Variants in NHSL1 observed in about 807,000 individuals in gnomAD.
The protein encoded by NHSL1 is NHS like 1.
A neutral mutation model predicts 95.0 loss-of-function variants in NHSL1; 48 were observed. The observed-to-expected ratio is 0.51, with a 90% confidence interval of 0.40 to 0.64. The LOEUF is 0.64. Among genes scored for constraint, NHSL1 ranks in the 30% least tolerant of loss-of-function variants. The pLI, the probability that NHSL1 is intolerant of heterozygous loss-of-function variation, is 0.00. For synonymous variants in NHSL1, 783 were observed against 833.9 expected (o/e 0.94, Z 1.05); for missense variants, 1,971 against 2,077.7 (o/e 0.95, Z 1.00).
At position 138,432,791 on chromosome 6, in the gene NHSL1, A is replaced by G; in HGVS notation, c.1554T>C (p.Tyr518=). The part of the protein sequence containing the change: ...NRENGSQAMP[Y]NCRNNLAFPA... ...GGAAGGCCAGGTTGTTTCTACAATT[A>G]TACGGCATAGCTTGGGACCCATTCT... Residue 518 remains tyrosine (Y), a synonymous_variant, in exon 6 of 8, where the codon TAT becomes TAC. Transcript: ENST00000343505. The surrounding 1 kb of genome is among the most constrained non-coding windows in gnomAD (Gnocchi z 4.4). The G allele has an allele frequency of 6.4e-7, 1 of 1,551,692 alleles. No homozygotes were observed. Among genetic ancestry groups the G allele is most frequent in the Non-Finnish European group, 8.7e-7 (1 of 1,146,996 alleles).
intron 1 of NHSL1, among the ~76,000 whole-genome samples, chr6:138,514,633 T>C (rs2128303595): frequency 6.6e-6 from 1 of 151,760 alleles, no homozygotes; most frequent in South Asian, 2.1e-4. Context: ...AATATCTTAT[T>C]GTGGCCAGGC....
chr6:138,597,120 C>T (rs1376696557), intron 1 of NHSL1, among the ~76,000 whole-genome samples: 1 of 152,130 alleles, frequency 6.6e-6, no homozygotes, highest in Non-Finnish European at 1.5e-5. Context: ...AAGATCACAT[C>T]ACGGCACTCC....
chr6:138,617,127 A>C (rs1386270777), intron 1 of NHSL1, among the ~76,000 whole-genome samples: 1 of 152,242 alleles, frequency 6.6e-6, no homozygotes, highest in African/African-American at 2.4e-5. Context: ...TGGGTAGGGC[A>C]ACTCAAGTAC....
At chr6:138,639,434 C>T (rs1583461757) in intron 1 of NHSL1, among the ~76,000 whole-genome samples, 1 of 151,430 alleles carries the variant, frequency 6.6e-6, no homozygotes, top group South Asian at 2.1e-4. Context: ...GTCAGGAGAT[C>T]GAGACCATCC....
At chr6:138,426,920 A>AAACTGT (rs1359982290) in intron 7 of NHSL1, among the ~76,000 whole-genome samples, 1 of 152,334 alleles carries the variant, frequency 6.6e-6, no homozygotes, top group South Asian at 2.1e-4. Context: ...TAACATCTCG[A>AAACTGT]AACTGTAGAG....
chr6:138,542,516 C>A lies in NHSL1; in HGVS notation c.16+3107G>T, dbSNP rs548098167. On this transcript the variant is annotated intron_variant, in intron 1 of 4. Transcript: ENST00000342260. ...TTTAAGAACTTTTATAGCTGTTTGA[C>A]AATGTGGTGATATCACACAAGCACA... Among the ~76,000 whole-genome samples the A allele has an allele frequency of 2.6e-5, 4 of 152,286 alleles. No individual in the cohort carries two copies. In the East Asian group the frequency reaches 7.7e-4, roughly 29 times the overall value.
intron 1 of NHSL1, among the ~76,000 whole-genome samples, chr6:138,680,994 T>C (rs1288948101): frequency 6.6e-6 from 1 of 152,124 alleles, no homozygotes; most frequent in African/African-American, 2.4e-5. Flanking sequence ...AATCAAGCAA[T>C]AAAAAAATTA....
At chr6:138,595,310 A>C (rs1784288934) in intron 1 of NHSL1, among the ~76,000 whole-genome samples, 4 of 152,248 alleles carry the variant, frequency 2.6e-5, no homozygotes, top group Admixed American at 2.6e-4. Context: ...ACAGTGGCTC[A>C]TGCCCGTAAT....
intron 1 of NHSL1, among the ~76,000 whole-genome samples, chr6:138,550,870 GC>G: frequency 6.6e-6 from 1 of 152,194 alleles, no homozygotes; most frequent in East Asian, 1.9e-4. Context: ...TCTTACTCTT[GC>G]CAAAAAGCCC....
At chr6:138,608,240 T>A (rs747150452) in intron 1 of NHSL1, among the ~76,000 whole-genome samples, 1 of 152,254 alleles carries the variant, frequency 6.6e-6, no homozygotes, top group Non-Finnish European at 1.5e-5. Context: ...AAAATTACTT[T>A]GAATGACATG....
intron 1 of NHSL1, among the ~76,000 whole-genome samples, chr6:138,512,843 G>T (rs1490112813): frequency 6.6e-6 from 1 of 152,154 alleles, no homozygotes; most frequent in Non-Finnish European, 1.5e-5. Context: ...GTGATCAAAG[G>T]AGGAATCGCT....
rs1012716650 is a variant in NHSL1, at chr6:138,567,207, A to G, written c.202+4503T>C. Among the ~76,000 whole-genome samples the G allele has an allele frequency of 5.3e-5, 8 of 149,990 alleles. No individual in the cohort carries two copies. The South Asian group carries it at 1.7e-3, about 32-fold the overall frequency. ...CAGTGGTGTGATCTCGGCTCACTGCAGACTCGACCTCCCAGGCTCAAGCGA... is the reference window on the plus strand; with the variant it reads ...CAGTGGTGTGATCTCGGCTCACTGCGGACTCGACCTCCCAGGCTCAAGCGA... On this transcript the variant is annotated intron_variant, in intron 1 of 6. Transcript: ENST00000427025.
intron 5 of NHSL1, among the ~76,000 whole-genome samples, chr6:138,439,010 C>T (rs1029324894): frequency 8.6e-5 from 13 of 151,936 alleles, no homozygotes; most frequent in Admixed American, 1.3e-4. Context: ...TTCACTGAAA[C>T]GAAAGGCAAC....
At chr6:138,519,884 T>TCC (rs1781604337) in intron 1 of NHSL1, among the ~76,000 whole-genome samples, 1 of 152,176 alleles carries the variant, frequency 6.6e-6, no homozygotes, top group African/African-American at 2.4e-5. Flanking sequence ...TTGAGAGCCA[T>TCC]CCCTTAAAAA....
At chr6:138,536,147 C>T (rs1782333234) in intron 1 of NHSL1, among the ~76,000 whole-genome samples, 3 of 152,164 alleles carry the variant, frequency 2.0e-5, no homozygotes, top group African/African-American at 7.2e-5. Context: ...TTAAAGGAAT[C>T]TCATTTATTT....
At chr6:138,667,808 G>A (rs1785314209) in intron 1 of NHSL1, among the ~76,000 whole-genome samples, 1 of 152,164 alleles carries the variant, frequency 6.6e-6, no homozygotes, top group Admixed American at 6.5e-5. Flanking sequence ...AATATCAAGT[G>A]AAGTGCTGAT....
At chr6:138,586,101 CTTT>C (rs79450363) in intron 1 of NHSL1, among the ~76,000 whole-genome samples, 1 of 140,458 alleles carries the variant, frequency 7.1e-6, no homozygotes. Context: ...GTGTCAAAAC[CTTT>C]TTTTTTTTTT....
intron 1 of NHSL1, among the ~76,000 whole-genome samples, chr6:138,690,702 C>T (rs1272034373): frequency 1.3e-5 from 2 of 152,164 alleles, no homozygotes; most frequent in Non-Finnish European, 2.9e-5. Flanking sequence ...GATTGCACCA[C>T]AGCACTCCAG....
chr6:138,438,159 G>A (rs1336668421), intron 5 of NHSL1, among the ~76,000 whole-genome samples: 1 of 152,188 alleles, frequency 6.6e-6, no homozygotes, highest in East Asian at 1.9e-4. Context: ...GGATCTGTCA[G>A]TGTGGCAAAT....
Sources: gnomAD v4.1 joint callset for allele counts (sites outside exome capture counted in the v4.1 genomes callset) on GRCh38, gnomAD v4.1.1 for gene constraint, Gnocchi (gnomAD v3.1) non-coding constraint, MANE v1.5 for transcripts, NCBI Gene and HGNC (gene_info 2026-07-23, HGNC 2026-07-21) for gene names.